Variants in TEAD1 observed in about 807,000 individuals in gnomAD.
TEAD1 encodes TEA domain transcription factor 1, also known as transcriptional enhancer factor TEF-1.
TEAD1 carries 9 observed loss-of-function variants against 54.9 expected under a neutral mutation model. The ratio of observed to expected loss-of-function variants is 0.16; its 90% CI spans 0.10 to 0.29. TEAD1 has a LOEUF of 0.29. TEAD1 is among the 10% of genes least tolerant of loss of function. The pLI, the probability that TEAD1 is intolerant of heterozygous loss-of-function variation, is 1.00. For synonymous variants in TEAD1, 200 were observed against 187.8 expected, an observed-to-expected ratio of 1.07 and a Z score of -0.53; for missense variants, 387 against 535.9, an observed-to-expected ratio of 0.72 and a Z score of 2.74.
chr11:12,794,255 T>C (rs957476864), intron 3 of TEAD1, among the ~76,000 whole-genome samples: 1 of 152,222 alleles, frequency 6.6e-6, no homozygotes, highest in Non-Finnish European at 1.5e-5. Flanking sequence ...CATTAATTAT[T>C]TTTTCTCTTC....
At chr11:12,810,002 A>G (rs757430128) in intron 3 of TEAD1, among the ~76,000 whole-genome samples, 52 of 102,652 alleles carry the variant, frequency 5.1e-4, no homozygotes, top group Non-Finnish European at 6.8e-4. Flanking sequence ...TTTTTTTGAG[A>G]TGGAGCCTCC....
At chr11:12,755,891 C>T (rs866630503) in intron 2 of TEAD1, among the ~76,000 whole-genome samples, 7 of 152,140 alleles carry the variant, frequency 4.6e-5, no homozygotes, top group South Asian at 2.1e-4. Flanking sequence ...GTGGTAGTGA[C>T]GGGAGAAAGG....
intron 5 of TEAD1, among the ~76,000 whole-genome samples, chr11:12,871,775 C>T (rs1029613623): frequency 4.6e-5 from 7 of 151,720 alleles, no homozygotes; most frequent in Admixed American, 1.3e-4. Context: ...GTGTATGACT[C>T]GGGACAAAAC....
chr11:12,684,536 A>G (rs1189063661), intron 2 of TEAD1, among the ~76,000 whole-genome samples: 2 of 152,104 alleles, frequency 1.3e-5, no homozygotes, highest in Admixed American at 6.5e-5. Flanking sequence ...TCAGGTGCGG[A>G]GAAGAAAGGT....
In TEAD1 at chr11:12,819,604, A is replaced by G. The variant is rs112911525; in HGVS notation, c.203-42646A>G. On this transcript the variant is annotated intron_variant, in intron 3 of 12. Coordinates refer to ENST00000527636, the MANE Select transcript of TEAD1 (RefSeq NM_021961.6). ...GCTGGGACTACAGGCGCCCGCCACC[A>G]AGCCCGGCTAATTTTTTTTTGTATT... is the stretch of plus-strand genomic sequence containing the variant. Among the ~76,000 whole-genome samples the G allele has an allele frequency of 2.0e-5, 3 of 151,792 alleles. No individual in the cohort carries two copies. The East Asian group carries it at 5.8e-4, about 29-fold the overall frequency.
chr11:12,747,308 T>C (rs114414684), intron 2 of TEAD1, among the ~76,000 whole-genome samples: 3,431 of 152,128 alleles, frequency 0.023, 146 homozygotes, highest in African/African-American at 0.079. Context: ...GCAGTAATTA[T>C]TATTATTTTT....
chr11:12,864,992 T>A, intron 5 of TEAD1, 92 bp downstream of exon 5: 1 of 1,415,442 alleles, frequency 7.1e-7, no homozygotes, highest in Non-Finnish European at 1.0e-6. Context: ...GCTGGGATTC[T>A]CGTAACCTAG....
intron 3 of TEAD1, among the ~76,000 whole-genome samples, chr11:12,803,200 C>T (rs544008015): frequency 6.6e-6 from 1 of 151,752 alleles, no homozygotes; most frequent in Admixed American, 6.6e-5. Context: ...TTTCTAAGCT[C>T]TTTAATATTC....
At chr11:12,734,658 A>G (rs1944490730) in intron 2 of TEAD1, among the ~76,000 whole-genome samples, 2 of 152,186 alleles carry the variant, frequency 1.3e-5, no homozygotes, top group African/African-American at 4.8e-5. Flanking sequence ...TAGATACACA[A>G]ATACTTACCA....
intron 5 of TEAD1, among the ~76,000 whole-genome samples, chr11:12,869,065 T>C (rs766944988): frequency 2.4e-4 from 36 of 152,130 alleles, no homozygotes; most frequent in Admixed American, 5.2e-4. Flanking sequence ...CATCATGTAA[T>C]TGGGGACATG....
intron 3 of TEAD1, among the ~76,000 whole-genome samples, chr11:12,796,854 G>A (rs1399688894): frequency 1.3e-5 from 2 of 152,190 alleles, no homozygotes; most frequent in African/African-American, 4.8e-5. Flanking sequence ...GCTCATGCTT[G>A]TAATCCCAGC....
intron 2 of TEAD1, among the ~76,000 whole-genome samples, chr11:12,718,426 A>G (rs1944110414): frequency 6.6e-6 from 1 of 152,212 alleles, no homozygotes; most frequent in Non-Finnish European, 1.5e-5. Flanking sequence ...TGCAGAGGAA[A>G]GGTGTGATTG....
intron 10 of TEAD1, among the ~76,000 whole-genome samples, chr11:12,902,653 C>G (rs1948445370): frequency 6.6e-6 from 1 of 152,176 alleles, no homozygotes; most frequent in Admixed American, 6.5e-5. Flanking sequence ...ACCAGATAAC[C>G]TGCTAGCGCT....
In TEAD1 at chr11:12,864,846, T is replaced by C. The variant is rs1341671487; in HGVS notation, c.276T>C (p.Ser92=). 3 of 1,614,150 alleles carry C rather than the reference T, an allele frequency of 1.9e-6. No individual in the cohort carries two copies. Among genetic ancestry groups the C allele is most frequent in the Non-Finnish European group, 2.5e-6 (3 of 1,180,020 alleles). Residue 92 remains serine, a synonymous_variant, in exon 5 of 13, where the codon AGT becomes AGC. Coordinates refer to ENST00000527636, the MANE Select transcript of TEAD1 (RefSeq NM_021961.6). ...CTTCCCCTACCCTGCAGGTGTCTAG[T>C]CACATTCAGGTTCTTGCCAGAAGGA...
intron 3 of TEAD1, among the ~76,000 whole-genome samples, chr11:12,839,434 A>G (rs1023623854): frequency 6.6e-6 from 1 of 152,132 alleles, no homozygotes; most frequent in African/African-American, 2.4e-5. Context: ...CAAACAAAAA[A>G]CAAAGCTCTT....
intron 12 of TEAD1, among the ~76,000 whole-genome samples, chr11:12,933,157 C>G (rs1949042020): frequency 6.6e-6 from 1 of 152,186 alleles, no homozygotes; most frequent in African/African-American, 2.4e-5. Flanking sequence ...CAACTCATCA[C>G]TGTATATCAT....
At chr11:12,742,371 T>C (rs1455433628) in intron 2 of TEAD1, among the ~76,000 whole-genome samples, 1 of 152,226 alleles carries the variant, frequency 6.6e-6, no homozygotes, top group Non-Finnish European at 1.5e-5. Flanking sequence ...AGTAAAGTTC[T>C]GGACTCTAAA....
intron 8 of TEAD1, 93 bp downstream of exon 8, chr11:12,882,050 A>C (rs1000619838): frequency 6.5e-6 from 9 of 1,388,846 alleles, no homozygotes; most frequent in Admixed American, 1.7e-5. Flanking sequence ...GAGATGCTCA[A>C]CTTTGCCACA....
chr11:12,845,128 C>A (rs772290792), intron 3 of TEAD1, among the ~76,000 whole-genome samples: 1 of 151,876 alleles, frequency 6.6e-6, no homozygotes, highest in Non-Finnish European at 1.5e-5. Context: ...CCATGCCCGG[C>A]TAATTTTTGT....
Sources: gnomAD v4.1 joint callset for allele counts (sites outside exome capture counted in the v4.1 genomes callset) on GRCh38, gnomAD v4.1.1 for gene constraint, MANE v1.5 for transcripts, NCBI Gene and HGNC (gene_info 2026-07-23, HGNC 2026-07-21) for gene names.